The following COL6A5 variants were observed in gnomAD, a reference collection of about 807,000 sequenced individuals.
COL6A5 encodes collagen alpha-5(VI) chain.
COL6A5 carries 48 observed loss-of-function variants against 65.6 expected under a neutral mutation model. The observed-to-expected ratio is 0.73, with a 90% CI of 0.58 to 0.93. The LOEUF is 0.93. COL6A5 is among the 40% of genes least tolerant of loss of function. The pLI, the probability that COL6A5 is intolerant of heterozygous loss-of-function variation, is 0.00. For missense variants in COL6A5, 914 were observed against 928.3 expected, an observed-to-expected ratio of 0.98 and a Z score of 0.20; for synonymous variants, 291 against 322.8, an observed-to-expected ratio of 0.90 and a Z score of 1.05.
intron 7 of COL6A5, 44 bp downstream of exon 7, chr3:130,391,798 GT>G: frequency 6.4e-6 from 9 of 1,413,282 alleles, no homozygotes; most frequent in Middle Eastern, 2.4e-4. Context: ...AGCAATAAAA[GT>G]TTAAACAAAA....
intron 4 of COL6A5, among the ~76,000 whole-genome samples, chr3:130,447,357 C>G (rs964985828): frequency 1.3e-5 from 2 of 152,138 alleles, no homozygotes; most frequent in African/African-American, 4.8e-5. Context: ...CGCCAGGTCC[C>G]TGATTTGGAA....
At chr3:130,439,655 A>C in intron 2 of COL6A5, 40 bp downstream of exon 34, 1 of 1,347,198 alleles carries the variant, frequency 7.4e-7, no homozygotes, top group Non-Finnish European at 1.0e-6. Flanking sequence ...TGAAGAGCTT[A>C]AATGCCTTCT....
chr3:130,405,895 C>T (rs1577476189), intron 14 of COL6A5, 98 bp from the exon 15 acceptor site: 26 of 1,207,510 alleles, frequency 2.2e-5, no homozygotes, highest in Non-Finnish European at 3.0e-5. Context: ...TAGCCCGAAG[C>T]GACTAAAGAA....
chr3:130,352,451 C>T (rs188868746), intron 1 of COL6A5, among the ~76,000 whole-genome samples: 136 of 152,004 alleles, frequency 8.9e-4, no homozygotes, highest in African/African-American at 3.1e-3. Flanking sequence ...GAAGTACTCT[C>T]GGTGTGAAAT....
chr3:130,451,787 C>T (rs6785226), intron 4 of COL6A5, among the ~76,000 whole-genome samples: 1 of 151,934 alleles, frequency 6.6e-6, no homozygotes, highest in African/African-American at 2.4e-5. Flanking sequence ...GATCAGGTAA[C>T]GAAGGCTGTG....
At chr3:130,394,865 T>C (rs1179726161) in intron 7 of COL6A5, 25 bp from the exon 8 acceptor site, 2 of 1,513,212 alleles carry the variant, frequency 1.3e-6, no homozygotes, top group South Asian at 2.5e-5. Flanking sequence ...ATGAGGAAAA[T>C]AATTTATTCT....
In COL6A5 at chr3:130,383,078, A is replaced by T. The variant is rs549260121; in HGVS notation, c.1301-1726A>T. 4.6e-5 allele frequency among the ~76,000 whole-genome samples: 7 copies of T among 152,170 alleles called. No individual in the cohort carries two copies. The South Asian group carries it at 1.5e-3, about 32-fold the overall frequency. On this transcript the variant is annotated intron_variant and NMD_transcript_variant, in intron 4 of 41. Transcript: ENST00000312481. ...TTCTACTTTAAAATCAAATACATACATCTATATTTATATATGTATCTGTAT... is the reference window on the plus strand; with the variant it reads ...TTCTACTTTAAAATCAAATACATACTTCTATATTTATATATGTATCTGTAT...
At chr3:130,431,906 C>T in exon 1 of COL6A5, 1 of 1,551,502 alleles carries the variant, frequency 6.4e-7, no homozygotes, top group Non-Finnish European at 8.7e-7. Context: ...ATCAGTCCAA[C>T]AGTCTTTGCT....
chr3:130,394,161 G>A (rs1936506554), intron 7 of COL6A5, among the ~76,000 whole-genome samples: 1 of 152,116 alleles, frequency 6.6e-6, no homozygotes, highest in African/African-American at 2.4e-5. Context: ...CTTCAGGGAG[G>A]TGACCTTATG....
rs764962068 is a variant in COL6A5, at chr3:130,376,321, C to T, written c.152C>T (p.Thr51Met). Residue 51 changes from threonine to methionine, a missense_variant and NMD_transcript_variant, in exon 3 of 42, where the codon ACG becomes ATG. Coordinates refer to the COL6A5 transcript ENST00000312481. ...CCTAAGTCATTCCCATTCGTGAAAA[C>T]GTTCATCAACAAAATGATCAACAGT... is the stretch of plus-strand genomic sequence containing the variant. 61 of 1,613,558 alleles carry T rather than the reference C, an allele frequency of 3.8e-5. No homozygotes were observed. Among genetic ancestry groups the T allele is most frequent in the Middle Eastern group, 3.3e-4 (2 of 6,080 alleles).
At chr3:130,406,060 G>C (rs1399889517) in intron 15 of COL6A5, 41 bp downstream of exon 15, 2 of 1,549,806 alleles carry the variant, frequency 1.3e-6, no homozygotes, top group Non-Finnish European at 8.7e-7. Flanking sequence ...TTTCCAAATG[G>C]GATTAGTTTC....
chr3:130,471,633 C>A, intron 7 of COL6A5, 49 bp from the exon 40 acceptor site: 1 of 1,500,348 alleles, frequency 6.7e-7, no homozygotes, highest in Non-Finnish European at 8.9e-7. Flanking sequence ...TTTAATCTTG[C>A]AGGGGACTTG....
chr3:130,370,554 G>GGAATTAAATTGGAACTTGCCAATTACTT (rs1935517295), intron 1 of COL6A5, among the ~76,000 whole-genome samples: 6 of 152,098 alleles, frequency 3.9e-5, no homozygotes, highest in African/African-American at 1.4e-4. Flanking sequence ...TACTTGCCAA[G>GGAATTAAATTGGAACTTGCCAATTACTT]GGAATTAAAA....
exon 1 of COL6A5, chr3:130,431,930 T>A (rs533162209): frequency 1.9e-6 from 3 of 1,549,900 alleles, no homozygotes; most frequent in Admixed American, 2.0e-5. Flanking sequence ...GATGAGAGAG[T>A]TTTCCTTGAA....
upstream of COL6A5, among the ~76,000 whole-genome samples, chr3:130,427,434 G>A (rs1337976559): frequency 1.3e-5 from 2 of 152,146 alleles, no homozygotes; most frequent in African/African-American, 4.8e-5. Context: ...CAGCAAAAAA[G>A]CAAGTTTAGA....
At chr3:130,359,023 G>A (rs964046870) in intron 1 of COL6A5, among the ~76,000 whole-genome samples, 2 of 152,150 alleles carry the variant, frequency 1.3e-5, no homozygotes, top group Admixed American at 6.5e-5. Flanking sequence ...ATTAAAAATA[G>A]TCAACAATGA....
At chr3:130,445,036 AT>A (rs1709275296) in intron 4 of COL6A5, among the ~76,000 whole-genome samples, 1 of 152,192 alleles carries the variant, frequency 6.6e-6, no homozygotes, top group African/African-American at 2.4e-5. Flanking sequence ...TAAATCATTA[AT>A]TTGATTTGCC....
Position 130,400,700 on chromosome 3 carries a change from G to A in COL6A5, c.3992-331G>A, listed in dbSNP as rs933699179. Among the ~76,000 whole-genome samples the A allele has an allele frequency of 2.2e-4, 33 of 152,144 alleles. 1 individual carries two copies. Among genetic ancestry groups the A allele is most frequent in the African/African-American group, 6.8e-4 (28 of 41,440 alleles). On this transcript the variant is annotated intron_variant and NMD_transcript_variant, in intron 10 of 41. Coordinates refer to the COL6A5 transcript ENST00000312481. ...GCCCTTTCTTAAAAATCACTTTCCC[G>A]TGCCCAAGAATTGCATGAAAATTGG...
At chr3:130,393,898 G>A (rs984206056) in intron 7 of COL6A5, among the ~76,000 whole-genome samples, 1 of 152,184 alleles carries the variant, frequency 6.6e-6, no homozygotes, top group Non-Finnish European at 1.5e-5. Flanking sequence ...TGAAAGTGCT[G>A]ACAGCTAGAA....
Sources: gnomAD v4.1 joint callset for allele counts (sites outside exome capture counted in the v4.1 genomes callset) on GRCh38, gnomAD v4.1.1 for gene constraint, MANE v1.5 for transcripts, NCBI Gene and HGNC (gene_info 2026-07-23, HGNC 2026-07-21) for gene names.